The following CD247 variants were observed in gnomAD, a reference collection of about 807,000 sequenced individuals.
CD247 encodes the protein CD247 molecule.
A neutral mutation model predicts 30.0 loss-of-function variants in CD247; 13 were observed. The ratio of observed to expected loss-of-function variants is 0.43; its 90% CI spans 0.28 to 0.69. The LOEUF is 0.69. CD247 is among the 30% of genes least tolerant of loss of function. CD247 has a pLI of 0.16. For synonymous variants in CD247, 72 were observed against 80.0 expected, an observed-to-expected ratio of 0.90 and a Z score of 0.53; for missense variants, 193 against 212.6, an observed-to-expected ratio of 0.91 and a Z score of 0.57.
intron 1 of CD247, among the ~76,000 whole-genome samples, chr1:167,450,782 A>C (rs1190334478): frequency 2.6e-5 from 4 of 151,488 alleles, no homozygotes; most frequent in African/African-American, 9.7e-5. Context: ...GCATGGTGGC[A>C]TGTGCCTGTA....
intron 1 of CD247, among the ~76,000 whole-genome samples, chr1:167,501,886 G>C (rs1254248140): frequency 9.9e-5 from 15 of 152,248 alleles, no homozygotes; most frequent in Admixed American, 9.8e-4. Flanking sequence ...CACGCAGGTA[G>C]AACTGTCTAA....
At chr1:167,516,170 C>T (rs1461262362) in intron 1 of CD247, among the ~76,000 whole-genome samples, 1 of 152,250 alleles carries the variant, frequency 6.6e-6, no homozygotes, top group African/African-American at 2.4e-5. Context: ...TCCATCTCCT[C>T]ACTGATAAAA....
chr1:167,434,168 T>A (rs2101986723), intron 5 of CD247, 92 bp from the exon 6 acceptor site: 1 of 1,107,764 alleles, frequency 9.0e-7, no homozygotes, highest in East Asian at 2.3e-5. Context: ...ATCCCCAAGT[T>A]GGCAGCAGTG....
chr1:167,479,254 G>C (rs965228848), intron 1 of CD247, among the ~76,000 whole-genome samples: 2 of 152,188 alleles, frequency 1.3e-5, no homozygotes, highest in Non-Finnish European at 2.9e-5. Flanking sequence ...ATGTGGATGA[G>C]AAATTGTTTG....
intron 1 of CD247, among the ~76,000 whole-genome samples, chr1:167,471,495 T>C (rs1260389059): frequency 6.6e-6 from 1 of 152,250 alleles, no homozygotes; most frequent in Non-Finnish European, 1.5e-5. Context: ...AATTTTAAAA[T>C]TTGCATTTTT....
At chr1:167,465,384 G>A (rs1408426869) in intron 1 of CD247, among the ~76,000 whole-genome samples, 1 of 143,276 alleles carries the variant, frequency 7.0e-6, no homozygotes, top group Non-Finnish European at 1.5e-5. Context: ...CTGCTGGAGT[G>A]CAGTGGTGAT....
At chr1:167,443,100 C>T (rs937672877) in intron 1 of CD247, among the ~76,000 whole-genome samples, 2 of 152,176 alleles carry the variant, frequency 1.3e-5, no homozygotes, top group African/African-American at 4.8e-5. Context: ...ACCACCTGAG[C>T]CCCTGAGGAA....
At chr1:167,483,974 C>G (rs991984315) in intron 1 of CD247, among the ~76,000 whole-genome samples, 4 of 152,242 alleles carry the variant, frequency 2.6e-5, no homozygotes, top group African/African-American at 7.2e-5. Flanking sequence ...CAGAGGCTGC[C>G]CAGACTGCCC....
rs1654577212 is a variant in CD247 at position 167,494,104 on chromosome 1, C to T, written c.58+24304G>A. Reference sequence around the variant, plus strand: ...GGGGCTATGATCTGGACTGGGTACCCAGAGCTAATAGGAGAAGAGGACAAG... The same window carrying T: ...GGGGCTATGATCTGGACTGGGTACCTAGAGCTAATAGGAGAAGAGGACAAG... On this transcript the variant is annotated intron_variant, in intron 1 of 7. Transcript: ENST00000362089. This position sits in a 1 kb window ranked among gnomAD's most constrained non-coding sequence, Gnocchi z 7.3. Among the ~76,000 whole-genome samples the T allele has an allele frequency of 1.3e-5, 2 of 151,888 alleles. No homozygotes were observed. The highest frequency in any genetic ancestry group is 3.9e-4 in the East Asian group (2 of 5,156).
chr1:167,450,278 T>C (rs1652290926), intron 1 of CD247, among the ~76,000 whole-genome samples: 1 of 152,094 alleles, frequency 6.6e-6, no homozygotes, highest in African/African-American at 2.4e-5. Context: ...GCAGGACTGC[T>C]TGAGCCCAGG....
intron 1 of CD247, among the ~76,000 whole-genome samples, chr1:167,464,861 G>C (rs1337369715): frequency 6.6e-6 from 1 of 151,930 alleles, no homozygotes; most frequent in African/African-American, 2.4e-5. Flanking sequence ...TACCGAAAAG[G>C]CCCCAAGATC....
intron 1 of CD247, among the ~76,000 whole-genome samples, chr1:167,498,958 G>T (rs2102094023): frequency 6.6e-6 from 1 of 152,298 alleles, no homozygotes; most frequent in East Asian, 1.9e-4. Flanking sequence ...CGGGGCTCCT[G>T]AGGACATCAT....
intron 1 of CD247, among the ~76,000 whole-genome samples, chr1:167,448,738 G>GT (rs1225736425): frequency 6.6e-6 from 1 of 152,310 alleles, no homozygotes; most frequent in Non-Finnish European, 1.5e-5. Flanking sequence ...GCGGGCGCCT[G>GT]TAATACCAGC....
intron 1 of CD247, among the ~76,000 whole-genome samples, chr1:167,445,519 T>C (rs1307382499): frequency 7.2e-6 from 1 of 138,122 alleles, no homozygotes; most frequent in Non-Finnish European, 1.5e-5. Context: ...AGCCTCGCCA[T>C]CCCTTTGTAG....
intron 1 of CD247, among the ~76,000 whole-genome samples, chr1:167,511,131 A>G (rs549403672): frequency 2.4e-4 from 37 of 152,326 alleles, no homozygotes; most frequent in African/African-American, 8.7e-4. Context: ...TTTGTCATTC[A>G]AAGATAACTC....
chr1:167,436,310 G>A (rs1223386943), intron 4 of CD247, among the ~76,000 whole-genome samples: 1 of 152,138 alleles, frequency 6.6e-6, no homozygotes, highest in African/African-American at 2.4e-5. Context: ...GAAGGAATGT[G>A]CCTCCACACA....
intron 1 of CD247, among the ~76,000 whole-genome samples, chr1:167,487,499 G>T (rs997381014): frequency 1.3e-5 from 2 of 152,184 alleles, no homozygotes; most frequent in Non-Finnish European, 2.9e-5. Flanking sequence ...GCAGGTACAG[G>T]CAAGTCCCAG....
At chr1:167,448,424 T>C (rs545034266) in intron 1 of CD247, 1 of 985,404 alleles carries the variant, frequency 1.0e-6, no homozygotes, top group South Asian at 4.7e-5. Flanking sequence ...GATCGAACCA[T>C]TATAGCAGGT....
At chr1:167,464,723 T>C (rs1027648645) in intron 1 of CD247, among the ~76,000 whole-genome samples, 1 of 152,168 alleles carries the variant, frequency 6.6e-6, no homozygotes, top group Non-Finnish European at 1.5e-5. Context: ...TGCCTGTAGT[T>C]TTTCTAGCTC....
Sources: gnomAD v4.1 joint callset for allele counts (sites outside exome capture counted in the v4.1 genomes callset) on GRCh38, gnomAD v4.1.1 for gene constraint, Gnocchi (gnomAD v3.1) non-coding constraint, MANE v1.5 for transcripts, NCBI Gene and HGNC (gene_info 2026-07-23, HGNC 2026-07-21) for gene names.